Variants in STAG2 observed in about 807,000 individuals in gnomAD.
STAG2 encodes the protein cohesin subunit SA-2.
Under a neutral mutation model 108.1 loss-of-function variants are expected in STAG2, and 14 were observed. The ratio of observed to expected loss-of-function variants is 0.13; its 90% CI spans 0.09 to 0.20. STAG2 has a LOEUF of 0.20. Among genes scored for constraint, STAG2 ranks in the 10% least tolerant of loss-of-function variants. STAG2 has a pLI of 1.00. For missense variants in STAG2, 440 were observed against 940.9 expected (o/e 0.47, Z 6.96); for synonymous variants, 307 against 302.7 (o/e 1.01, Z -0.15).
chrX:124,063,290 G>GT (rs1415930150), intron 19 of STAG2, 85 bp downstream of exon 19: 9 of 749,283 alleles, frequency 1.2e-5, no homozygotes, highest in South Asian at 6.0e-5. Context: ...TTCTTAAAAT[G>GT]TTTTTTTGGA....
intron 34 of STAG2, among the ~76,000 whole-genome samples, chrX:124,096,715 C>T (rs1372207267): frequency 8.9e-6 from 1 of 111,887 alleles, no homozygotes; most frequent in East Asian, 2.8e-4. Flanking sequence ...ATTTTATGTT[C>T]CTTGTTCCTC....
rs777939615 is a variant in STAG2, at chrX:124,086,776, G to T, written c.3277+6G>T. 3 of 1,145,899 alleles carry T rather than the reference G, an allele frequency of 2.6e-6. No individual in the cohort carries two copies. Among genetic ancestry groups the T allele is most frequent in the Admixed American group, 4.7e-5 (2 of 42,284 alleles). The allele number at this position is 1,145,899 out of a possible 1,213,427, so 94.4% of individuals were successfully genotyped here. The stretch of plus-strand genomic sequence containing the variant: ...GGGCATGCAGCTTTCACTCAGTAAG[G>T]ATATAATTTATTCTCTTTATATTTA... On this transcript the variant is annotated splice_donor_region_variant and intron_variant, in intron 30 of 34. Coordinates refer to ENST00000371145, the MANE Select transcript of STAG2 (RefSeq NM_001042750.2).
intron 1 of STAG2, among the ~76,000 whole-genome samples, chrX:123,966,695 G>A (rs193256111): frequency 9.0e-6 from 1 of 111,267 alleles, no homozygotes; most frequent in Admixed American, 9.6e-5. Flanking sequence ...TATTTCTTCA[G>A]TGTAAGTGGT....
chrX:124,047,362 T>A lies in STAG2; in HGVS notation c.676T>A (p.Leu226Met), dbSNP rs1350524820. Residue 226 changes from leucine to methionine, a missense_variant, in exon 9 of 35, where the codon TTG becomes ATG. Coordinates refer to ENST00000371145, the MANE Select transcript of STAG2 (RefSeq NM_001042750.2). ...TTACTCTTTAAAAATAGCTATGAAG[T>A]TGATGACAGCTTTGGTGAATGTGGC... The part of the protein sequence containing the change: ...RHTSTLAAMK[L>M]MTALVNVALN... 1 of 1,189,970 alleles carries A rather than the reference T, an allele frequency of 8.4e-7. No individual in the cohort carries two copies. Among genetic ancestry groups the A allele is most frequent in the Non-Finnish European group, 1.1e-6 (1 of 886,562 alleles).
chrX:124,042,741 G>A (rs1453772019), intron 7 of STAG2, 96 bp downstream of exon 7: 1 of 638,488 alleles, frequency 1.6e-6, no homozygotes, highest in Non-Finnish European at 2.5e-6. Flanking sequence ...GGCTGGGCAT[G>A]GTGGCTCATG....
rs1243311637 is a variant in STAG2, at chrX:124,071,251, T to C, written c.2461T>C (p.Leu821=). The C allele has an allele frequency of 5.0e-6, 6 of 1,208,054 alleles. No individual in the cohort carries two copies. Among genetic ancestry groups the C allele is most frequent in the Non-Finnish European group, 5.6e-6 (5 of 893,809 alleles). ...ATTAGTGTATACCCCTGATTCTTCA[T>C]TGCAGTCTGAGTTGCTCAGCTTTAT... ...EPLVYTPDSS[L]QSELLSFILD... The change falls in exon 25 of 35, where the codon TTG becomes CTG. Residue 821 remains leucine (L), a synonymous_variant. Transcript: ENST00000371145.
intron 32 of STAG2, among the ~76,000 whole-genome samples, chrX:124,093,171 T>C (rs1380485514): frequency 1.8e-5 from 2 of 111,692 alleles, no homozygotes; most frequent in Admixed American, 9.6e-5. Context: ...GAACTTAATT[T>C]ATTCCCCATA....
chrX:124,054,986 C>G (rs1390670193), intron 13 of STAG2, among the ~76,000 whole-genome samples: 1 of 110,719 alleles, frequency 9.0e-6, no homozygotes, highest in African/African-American at 3.3e-5. Context: ...AGCCTAGTCT[C>G]GAACACCTGG....
At chrX:124,063,773 G>T (rs1044987012) in intron 19 of STAG2, 75 bp from the exon 20 acceptor site, 17 of 927,595 alleles carry the variant, frequency 1.8e-5, no homozygotes, top group Non-Finnish European at 2.1e-5. Context: ...TTTTTCCATG[G>T]TGGTATGGTC....
intron 1 of STAG2, among the ~76,000 whole-genome samples, chrX:123,991,248 G>A (rs2055445473): frequency 1.8e-5 from 2 of 112,226 alleles, no homozygotes; most frequent in African/African-American, 6.5e-5. Flanking sequence ...TCATATCCAT[G>A]GTTACCCATT....
intron 1 of STAG2, among the ~76,000 whole-genome samples, chrX:123,994,979 C>T (rs966560830): frequency 1.8e-5 from 2 of 111,599 alleles, no homozygotes; most frequent in East Asian, 5.6e-4. Flanking sequence ...ATTTTTTTCC[C>T]TCTCGTATAA....
chrX:124,062,667 A>G (rs1265342906), intron 17 of STAG2, among the ~76,000 whole-genome samples: 1 of 111,308 alleles, frequency 9.0e-6, no homozygotes, highest in Non-Finnish European at 1.9e-5. Context: ...TTGGATATTG[A>G]TTTTCCCTAT....
chrX:124,102,037 A>G lies in STAG2; in HGVS notation c.*1440A>G, dbSNP rs2059514405. ...GCTTGCAATACAAGAATATCTTCAG[A>G]TGGGTGAATACCAAAAGGCTTTCAG... On this transcript the variant is annotated 3_prime_UTR_variant, in exon 35 of 35. Coordinates refer to ENST00000371145, the MANE Select transcript of STAG2 (RefSeq NM_001042750.2). The G allele has an allele frequency of 6.2e-6, 1 of 160,025 alleles. No homozygotes were observed. Among genetic ancestry groups the G allele is most frequent in the Non-Finnish European group, 1.2e-5 (1 of 82,192 alleles). 13.2% of individuals were successfully genotyped at this position (160,025 alleles called of 1,213,427 possible).
At chrX:124,080,143 C>G (rs1050372407) in intron 27 of STAG2, among the ~76,000 whole-genome samples, 1 of 111,291 alleles carries the variant, frequency 9.0e-6, no homozygotes, top group Non-Finnish European at 1.9e-5. Context: ...ACCAACTGTT[C>G]TAGCAGTTTT....
chrX:124,077,692 A>G (rs2058836230), intron 26 of STAG2, among the ~76,000 whole-genome samples: 1 of 111,934 alleles, frequency 8.9e-6, no homozygotes, highest in Admixed American at 9.5e-5. Context: ...ACTAAAACTG[A>G]CCAGTATACC....
At chrX:123,977,655 T>A (rs931877661) in intron 1 of STAG2, among the ~76,000 whole-genome samples, 1 of 110,133 alleles carries the variant, frequency 9.1e-6, no homozygotes, top group Non-Finnish European at 1.9e-5. Flanking sequence ...TGAAAAAAAA[T>A]AGAAAAATTA....
At chrX:124,089,844 T>C (rs1474237516) in intron 30 of STAG2, among the ~76,000 whole-genome samples, 4 of 110,143 alleles carry the variant, frequency 3.6e-5, no homozygotes, top group Non-Finnish European at 5.7e-5. Flanking sequence ...GCCCTTTTTG[T>C]AGGTCAAATA....
Position 124,076,390 on chromosome X carries a change from A to G in STAG2, c.2592A>G (p.Leu864=). 8.3e-7 allele frequency: 1 copy of G among 1,209,032 alleles called. No individual in the cohort carries two copies. Among genetic ancestry groups the G allele is most frequent in the Non-Finnish European group, 1.1e-6 (1 of 893,827 alleles). ...AAGCTCTGCACAAGAGAAGAAATTT[A>G]CTTGCAGCATTTTGTAAGCTAATTG... ...KIEALHKRRN[L]LAAFCKLIVY... The change falls in exon 26 of 35, where the codon TTA becomes TTG. Residue 864 remains leucine (L), a synonymous_variant. Transcript: ENST00000371145.
chrX:124,028,822 A>ATATATATATATTTT (rs1296806013), intron 4 of STAG2, among the ~76,000 whole-genome samples: 1 of 38,986 alleles, frequency 2.6e-5, no homozygotes, highest in African/African-American at 1.1e-4. Flanking sequence ...ATATATATAT[A>ATATATATATATTTT]TTTTTTTTTT....
Sources: allele counts gnomAD v4.1 joint callset (sites outside exome capture counted in the v4.1 genomes callset), GRCh38; gene constraint gnomAD v4.1.1; transcripts MANE v1.5; gene names NCBI Gene and HGNC (gene_info 2026-07-23, HGNC 2026-07-21).